PRICKLE1: variants seen among roughly 807,000 people sequenced by gnomAD.
PRICKLE1 encodes the protein prickle-like protein 1.
PRICKLE1 carries 14 observed loss-of-function variants against 70.2 expected under a neutral mutation model. The observed-to-expected ratio is 0.20, with a 90% CI of 0.13 to 0.31. The LOEUF is 0.31. Among genes scored for constraint, PRICKLE1 ranks in the 10% least tolerant of loss-of-function variants. The pLI is 1.00. For synonymous variants in PRICKLE1, 357 were observed against 379.9 expected (o/e 0.94, Z 0.70); for missense variants, 821 against 1,026.2 (o/e 0.80, Z 2.73).
intron 1 of PRICKLE1, among the ~76,000 whole-genome samples, chr12:42,526,715 C>A (rs1309004355): frequency 6.7e-6 from 1 of 149,088 alleles, no homozygotes; most frequent in Non-Finnish European, 1.5e-5. Flanking sequence ...GAACAGTGAC[C>A]ATGGCCACTG....
chr12:42,534,807 T>A (rs980010995), intron 1 of PRICKLE1, among the ~76,000 whole-genome samples: 1 of 152,160 alleles, frequency 6.6e-6, no homozygotes, highest in Non-Finnish European at 1.5e-5. Context: ...AGAAACAGAT[T>A]TATTTTCCTA....
rs1162663490 is a variant in PRICKLE1 at position 42,493,876 on chromosome 12, G to C, written c.-48-21312C>G. 2.0e-5 allele frequency among the ~76,000 whole-genome samples: 3 copies of C among 148,446 alleles called. No individual in the cohort carries two copies. In the East Asian group the frequency reaches 5.9e-4, roughly 29 times the overall value. Reference sequence around the variant, plus strand: ...GTGTCTAAAAAAAAAAAAAAGAAAAGAAAAGAAAAAAAGAGAACGAAAGAA... The same window carrying C: ...GTGTCTAAAAAAAAAAAAAAGAAAACAAAAGAAAAAAAGAGAACGAAAGAA... On this transcript the variant is annotated intron_variant, in intron 1 of 7. Coordinates refer to ENST00000345127, the MANE Select transcript of PRICKLE1 (RefSeq NM_153026.3).
chr12:42,463,289 A>C (rs1815907903), intron 7 of PRICKLE1, among the ~76,000 whole-genome samples: 1 of 152,188 alleles, frequency 6.6e-6, no homozygotes, highest in South Asian at 2.1e-4. Context: ...ACAAGAGTGA[A>C]ACTCCATCTC....
intron 1 of PRICKLE1, among the ~76,000 whole-genome samples, chr12:42,558,333 A>C (rs1341636805): frequency 1.3e-5 from 2 of 152,242 alleles, no homozygotes; most frequent in Non-Finnish European, 2.9e-5. Context: ...ATTACCATGA[A>C]GGGTGTAAAA....
At chr12:42,573,596 G>T (rs970031724) in intron 1 of PRICKLE1, among the ~76,000 whole-genome samples, 2 of 151,996 alleles carry the variant, frequency 1.3e-5, no homozygotes, top group Non-Finnish European at 2.9e-5. Context: ...TTGGGACAGG[G>T]TCTCACTCTG....
Position 42,458,971 on chromosome 12 carries a change from G to T in PRICKLE1, c.*838C>A. On this transcript the variant is annotated 3_prime_UTR_variant, in exon 8 of 8. Transcript: ENST00000345127. Reference sequence around the variant, plus strand: ...TGCATACAGAGCCTTTTTTAATATTGGAAAAAAAAATCAAAAAAAGTTGAA... The same window carrying T: ...TGCATACAGAGCCTTTTTTAATATTTGAAAAAAAAATCAAAAAAAGTTGAA... 3.8e-6 allele frequency: 1 copy of T among 260,338 alleles called. No individual in the cohort carries two copies. The highest frequency in any genetic ancestry group is 7.4e-6 in the Non-Finnish European group (1 of 134,524). 16.1% of individuals were successfully genotyped at this position (260,338 alleles called of 1,614,324 possible).
Position 42,464,696 on chromosome 12 carries a change from A to G in PRICKLE1, c.1338T>C (p.Asp446=). 1 of 1,614,096 alleles carries G rather than the reference A, an allele frequency of 6.2e-7. No individual in the cohort carries two copies. The highest frequency in any genetic ancestry group is 8.5e-7 in the Non-Finnish European group (1 of 1,180,026). ...ACTCGGTCTTACTTTTAACCATGTT[A>G]TCAGATATCCAGTGCTCACTGGCTC... ...DIRASEHWIS[D]NMVKSKTELK... Residue 446 remains aspartate, a synonymous_variant, in exon 7 of 8, where the codon GAT becomes GAC. Coordinates refer to ENST00000345127, the MANE Select transcript of PRICKLE1 (RefSeq NM_153026.3). The surrounding 1 kb of genome is among the most constrained non-coding windows in gnomAD (Gnocchi z 4.2).
chr12:42,577,927 G>T (rs1425098947), intron 1 of PRICKLE1, among the ~76,000 whole-genome samples: 2 of 151,870 alleles, frequency 1.3e-5, no homozygotes, highest in African/African-American at 4.8e-5. Context: ...CTTTATTTAG[G>T]AACTGGCAAA....
At position 42,459,403 on chromosome 12, in the gene PRICKLE1, T is replaced by C. The variant is rs1937708666; in HGVS notation, c.*406A>G. On this transcript the variant is annotated 3_prime_UTR_variant, in exon 8 of 8. Transcript: ENST00000345127. ...AGGCATGCCTCACACCAAGACGGACTATCAAGACCTGAGCCGACCTGACTT... is the reference window on the plus strand; with the variant it reads ...AGGCATGCCTCACACCAAGACGGACCATCAAGACCTGAGCCGACCTGACTT... 1 of 701,340 alleles carries C rather than the reference T, an allele frequency of 1.4e-6. No homozygotes were observed. Among genetic ancestry groups the C allele is most frequent in the Non-Finnish European group, 2.6e-6 (1 of 384,674 alleles). 43.4% of individuals were successfully genotyped at this position (701,340 alleles called of 1,614,324 possible).
intron 1 of PRICKLE1, among the ~76,000 whole-genome samples, chr12:42,493,642 G>A (rs1939142717): frequency 6.6e-6 from 1 of 152,106 alleles, no homozygotes; most frequent in Non-Finnish European, 1.5e-5. Context: ...CCTTTACTCA[G>A]GATACCCTCC....
At position 42,529,937 on chromosome 12, in the gene PRICKLE1, C is replaced by T. The variant is rs532046580; in HGVS notation, c.-48-57373G>A. On this transcript the variant is annotated intron_variant, in intron 1 of 7. Coordinates refer to ENST00000345127, the MANE Select transcript of PRICKLE1 (RefSeq NM_153026.3). Reference sequence around the variant, plus strand: ...TTTTCTTTTCTCTTTTCCTTCCTTCCTTTCTTCCTTCCTTCCTTTTTTTTT... The same window carrying T: ...TTTTCTTTTCTCTTTTCCTTCCTTCTTTTCTTCCTTCCTTCCTTTTTTTTT... Among the ~76,000 whole-genome samples, 5 of 44,778 alleles carry T rather than the reference C, an allele frequency of 1.1e-4. No individual in the cohort carries two copies. The South Asian group carries it at 3.5e-3, about 32-fold the overall frequency. 29.4% of individuals were successfully genotyped at this position (44,778 alleles called of 152,430 possible).
chr12:42,523,400 A>G (rs1474919018), intron 1 of PRICKLE1, among the ~76,000 whole-genome samples: 1 of 152,250 alleles, frequency 6.6e-6, no homozygotes, highest in African/African-American at 2.4e-5. Context: ...GACATAGGGA[A>G]CTGGTCTTTT....
At chr12:42,556,917 G>A (rs532868305) in intron 1 of PRICKLE1, among the ~76,000 whole-genome samples, 1 of 152,208 alleles carries the variant, frequency 6.6e-6, no homozygotes, top group South Asian at 2.1e-4. Flanking sequence ...ACACTGCCCT[G>A]CCTTCAGAGT....
At chr12:42,530,954 A>C (rs960646715) in intron 1 of PRICKLE1, among the ~76,000 whole-genome samples, 6 of 151,458 alleles carry the variant, frequency 4.0e-5, no homozygotes, top group Non-Finnish European at 8.8e-5. Flanking sequence ...TACAGGCATA[A>C]GCCACCGTGC....
intron 1 of PRICKLE1, among the ~76,000 whole-genome samples, chr12:42,552,059 CTTTTTTTTTTTTTT>C (rs201217516): frequency 0.34 from 44,122 of 130,192 alleles, 7,285 homozygotes; most frequent in East Asian, 0.57. Context: ...AAGAAAGTTA[CTTTTTTTTTTTTTT>C]TTTTTTTTTT....
intron 1 of PRICKLE1, among the ~76,000 whole-genome samples, chr12:42,507,620 T>G (rs1939442340): frequency 6.6e-6 from 1 of 152,238 alleles, no homozygotes; most frequent in African/African-American, 2.4e-5. Context: ...ATCACATTAT[T>G]GTAAGGAAGA....
chr12:42,568,151 G>T (rs1940652690), intron 1 of PRICKLE1, among the ~76,000 whole-genome samples: 3 of 152,190 alleles, frequency 2.0e-5, no homozygotes, highest in Middle Eastern at 3.4e-3. Flanking sequence ...TGAAAAATAG[G>T]GAACACTTTT....
At chr12:42,488,489 A>G (rs545134697) in intron 1 of PRICKLE1, among the ~76,000 whole-genome samples, 1 of 152,348 alleles carries the variant, frequency 6.6e-6, no homozygotes, top group African/African-American at 2.4e-5. Context: ...TCATGAACAG[A>G]TAATTAAACT....
At chr12:42,544,987 ATT>A (rs11332599) in intron 1 of PRICKLE1, among the ~76,000 whole-genome samples, 273 of 144,584 alleles carry the variant, frequency 1.9e-3, no homozygotes, top group Non-Finnish European at 1.9e-3. Flanking sequence ...ACCACGCTGA[ATT>A]TTTTTTTTTT....
Sources: gnomAD v4.1 joint callset for allele counts (sites outside exome capture counted in the v4.1 genomes callset) on GRCh38, gnomAD v4.1.1 for gene constraint, Gnocchi (gnomAD v3.1) non-coding constraint, MANE v1.5 for transcripts, NCBI Gene and HGNC (gene_info 2026-07-23, HGNC 2026-07-21) for gene names.